Variants in CACNB2 observed in about 807,000 individuals in gnomAD.
CACNB2 encodes voltage-dependent L-type calcium channel subunit beta-2.
Under a neutral mutation model 73.3 loss-of-function variants are expected in CACNB2, and 42 were observed. The ratio of observed to expected loss-of-function variants is 0.57; its 90% CI spans 0.45 to 0.74. The LOEUF (loss-of-function observed/expected upper bound fraction) is 0.74, where lower values mean the gene tolerates loss of function less well. CACNB2 is among the 30% of genes least tolerant of loss of function. CACNB2 has a pLI of 0.00. For synonymous variants in CACNB2, 348 were observed against 310.3 expected (o/e 1.12, Z -1.28); for missense variants, 940 against 853.0 (o/e 1.10, Z -1.27).
At chr10:18,373,881 CA>C (rs1330530130) in intron 2 of CACNB2, among the ~76,000 whole-genome samples, 4 of 152,078 alleles carry the variant, frequency 2.6e-5, no homozygotes, top group Non-Finnish European at 5.9e-5. Context: ...TCCACACTTC[CA>C]AAACAAAGTT....
chr10:18,331,125 A>G (rs1048459169), intron 2 of CACNB2, among the ~76,000 whole-genome samples: 1 of 152,054 alleles, frequency 6.6e-6, no homozygotes, highest in Non-Finnish European at 1.5e-5. Flanking sequence ...AGCTGGGACT[A>G]CAGGCGTGCG....
At chr10:18,406,136 T>C (rs902942000) in intron 3 of CACNB2, among the ~76,000 whole-genome samples, 3 of 152,252 alleles carry the variant, frequency 2.0e-5, no homozygotes, top group Middle Eastern at 3.4e-3. Flanking sequence ...AAAGAAGAAA[T>C]TGGCAGGTCT....
intron 2 of CACNB2, among the ~76,000 whole-genome samples, chr10:18,172,248 C>T (rs903802084): frequency 2.6e-5 from 4 of 152,184 alleles, no homozygotes; most frequent in Non-Finnish European, 5.9e-5. Flanking sequence ...CCTGTAGTCC[C>T]AGCTACTCAG....
intron 2 of CACNB2, among the ~76,000 whole-genome samples, chr10:18,390,369 T>G (rs1235061564): frequency 6.6e-6 from 1 of 152,162 alleles, no homozygotes; most frequent in African/African-American, 2.4e-5. Context: ...CCCGCCACCA[T>G]GCCTGGCTAA....
At chr10:18,400,322 G>T (rs1282501878) in intron 2 of CACNB2, among the ~76,000 whole-genome samples, 1 of 152,216 alleles carries the variant, frequency 6.6e-6, no homozygotes, top group African/African-American at 2.4e-5. Context: ...AATGGAAAGG[G>T]ATTATTAAAG....
At position 18,160,319 on chromosome 10, in the gene CACNB2, G is replaced by A. The variant is rs867760482; in HGVS notation, c.213+9344G>A. ...TGGATTGAGATTTTTTTATGTTTGCGTATATACTTTTCTATGAAGATACAT... is the reference window on the plus strand; with the variant it reads ...TGGATTGAGATTTTTTTATGTTTGCATATATACTTTTCTATGAAGATACAT... On this transcript the variant is annotated intron_variant, in intron 2 of 13. Transcript: ENST00000324631. Among the ~76,000 whole-genome samples the A allele has an allele frequency of 2.6e-5, 4 of 151,864 alleles. No homozygotes were observed. The East Asian group carries it at 5.8e-4, about 22-fold the overall frequency.
At chr10:18,253,503 T>A (rs895939955) in intron 2 of CACNB2, among the ~76,000 whole-genome samples, 12 of 152,206 alleles carry the variant, frequency 7.9e-5, no homozygotes, top group African/African-American at 2.9e-4. Context: ...TTTATCCTGT[T>A]ATCATCCTAG....
intron 3 of CACNB2, among the ~76,000 whole-genome samples, chr10:18,409,628 G>T (rs904083988): frequency 1.3e-5 from 2 of 152,232 alleles, no homozygotes; most frequent in Non-Finnish European, 2.9e-5. Context: ...GGAAGACATT[G>T]TAAAGCTGAT....
At chr10:18,216,621 AT>A (rs1437639658) in intron 2 of CACNB2, among the ~76,000 whole-genome samples, 1 of 152,158 alleles carries the variant, frequency 6.6e-6, no homozygotes, top group Non-Finnish European at 1.5e-5. Context: ...TTTTTCAGTG[AT>A]AGCTTGTGCA....
At chr10:18,492,620 CAAAAAAAAA>C (rs371407084) in intron 3 of CACNB2, among the ~76,000 whole-genome samples, 1 of 90,508 alleles carries the variant, frequency 1.1e-5, no homozygotes, top group Non-Finnish European at 2.1e-5. Context: ...GACTCTGTCT[CAAAAAAAAA>C]AAAAAAAAAG....
rs140010816 is a variant in CACNB2 at position 18,154,480 on chromosome 10, T to C, written c.213+3505T>C. 3.2e-4 allele frequency among the ~76,000 whole-genome samples: 49 copies of C among 152,144 alleles called. 1 individual carries two copies. In the East Asian group the frequency reaches 9.5e-3, roughly 29 times the overall value. On this transcript the variant is annotated intron_variant, in intron 2 of 13. Coordinates refer to ENST00000324631, the MANE Select transcript of CACNB2 (RefSeq NM_201596.3). ...ATCTTTTTTTTTTGTTTTTGTTTTT[T>C]GTTTTGAGGTGGAGTCTCACTCTGT...
At chr10:18,429,664 CAAA>C (rs1265429356) in intron 3 of CACNB2, among the ~76,000 whole-genome samples, 1 of 62,922 alleles carries the variant, frequency 1.6e-5, no homozygotes, top group Non-Finnish European at 3.0e-5. Flanking sequence ...CCGTCTCTAC[CAAA>C]AAAAAAAAAA....
intron 2 of CACNB2, among the ~76,000 whole-genome samples, chr10:18,241,854 T>G (rs2036663264): frequency 6.6e-6 from 1 of 152,142 alleles, no homozygotes; most frequent in Admixed American, 6.5e-5. Flanking sequence ...AAGTGTCAGC[T>G]AAAATGAGCT....
intron 1 of CACNB2, among the ~76,000 whole-genome samples, chr10:18,147,715 T>C (rs1038673678): frequency 6.7e-6 from 1 of 149,072 alleles, no homozygotes; most frequent in African/African-American, 2.5e-5. Flanking sequence ...CAATTACATA[T>C]ATTTTTTTTT....
intron 2 of CACNB2, among the ~76,000 whole-genome samples, chr10:18,338,920 T>G (rs1443138993): frequency 6.6e-6 from 1 of 151,834 alleles, no homozygotes; most frequent in East Asian, 1.9e-4. Context: ...TAAATTTTTT[T>G]GCAGAGACGG....
chr10:18,417,158 C>A (rs1162079944), intron 3 of CACNB2, among the ~76,000 whole-genome samples: 1 of 149,874 alleles, frequency 6.7e-6, no homozygotes, highest in Non-Finnish European at 1.5e-5. Context: ...TAAAGCAGGG[C>A]AGCTATTAAG....
intron 3 of CACNB2, among the ~76,000 whole-genome samples, chr10:18,411,297 G>T (rs2044613738): frequency 6.6e-6 from 1 of 152,108 alleles, no homozygotes; most frequent in Non-Finnish European, 1.5e-5. Flanking sequence ...CTGGACCTCT[G>T]TTAGGCTTCT....
At chr10:18,347,362 T>A (rs938823612) in intron 2 of CACNB2, among the ~76,000 whole-genome samples, 4 of 114,080 alleles carry the variant, frequency 3.5e-5, no homozygotes, top group Non-Finnish European at 4.0e-5. Context: ...TTTTTTTTTT[T>A]TTTTTTTTTT....
chr10:18,444,186 C>T (rs1265100472), intron 3 of CACNB2, among the ~76,000 whole-genome samples: 1 of 152,056 alleles, frequency 6.6e-6, no homozygotes, highest in Non-Finnish European at 1.5e-5. Context: ...AGGTGATGAG[C>T]TCATGAGGGT....
Sources: allele counts gnomAD v4.1 joint callset (sites outside exome capture counted in the v4.1 genomes callset), GRCh38; gene constraint gnomAD v4.1.1; transcripts MANE v1.5; gene names NCBI Gene and HGNC (gene_info 2026-07-23, HGNC 2026-07-21).